FOCAD: variants seen among roughly 807,000 people sequenced by gnomAD.
The protein encoded by FOCAD is focadhesin, also known as KIAA1797.
In FOCAD, 198 loss-of-function variants were observed where a neutral mutation model predicts 225.6. The observed-to-expected ratio is 0.88, with a 90% CI of 0.78 to 0.99. The LOEUF is 0.99. FOCAD is among the 50% of genes least tolerant of loss of function. The pLI, the probability that FOCAD is intolerant of heterozygous loss-of-function variation, is 0.00. For synonymous variants in FOCAD, 897 were observed against 755.0 expected, an observed-to-expected ratio of 1.19 and a Z score of -3.08; for missense variants, 2,713 against 2,123.6, an observed-to-expected ratio of 1.28 and a Z score of -5.46.
intron 6 of FOCAD, among the ~76,000 whole-genome samples, chr9:20,759,864 C>A (rs1563955503): frequency 6.6e-6 from 1 of 152,208 alleles, no homozygotes; most frequent in Non-Finnish European, 1.5e-5. Flanking sequence ...CCCTTGGACA[C>A]TGGCTAATGA....
At chr9:20,861,049 T>C (rs1828730407) in intron 15 of FOCAD, among the ~76,000 whole-genome samples, 2 of 152,316 alleles carry the variant, frequency 1.3e-5, no homozygotes, top group Admixed American at 6.5e-5. Context: ...GTTCATTCTT[T>C]CTTCAAATCT....
intron 1 of FOCAD, among the ~76,000 whole-genome samples, chr9:20,710,229 A>ATT (rs749860355): frequency 0.21 from 21,635 of 101,944 alleles, 3,019 homozygotes; most frequent in South Asian, 0.3. Context: ...AGTAGCTGAG[A>ATT]TTTTTTTTTT....
intron 1 of FOCAD, among the ~76,000 whole-genome samples, chr9:20,714,724 T>A (rs1300198521): frequency 6.6e-6 from 1 of 151,612 alleles, no homozygotes; most frequent in Non-Finnish European, 1.5e-5. Flanking sequence ...CTTTCACTTT[T>A]CTTTTCTTGT....
chr9:20,949,954 G>A (rs563024258), intron 33 of FOCAD, among the ~76,000 whole-genome samples: 1 of 151,996 alleles, frequency 6.6e-6, no homozygotes. Flanking sequence ...AGGAATGTCA[G>A]GCCCTAAAGA....
Position 20,949,652 on chromosome 9 carries a change from G to A in FOCAD, c.3925G>A (p.Glu1309Lys), listed in dbSNP as rs747690917. The A allele has an allele frequency of 1.9e-6, 3 of 1,612,954 alleles. No individual in the cohort carries two copies. Among genetic ancestry groups the A allele is most frequent in the Non-Finnish European group, 1.7e-6 (2 of 1,179,248 alleles). Residue 1309 changes from glutamate to lysine, a missense_variant, in exon 33 of 44, where the codon GAA becomes AAA. By Grantham distance (56) the Glu-to-Lys change is moderately conservative (BLOSUM62 1). Coordinates refer to ENST00000338382, the MANE Select transcript of FOCAD (RefSeq NM_001375567.1). ...CTCTCATTTTCAAGGCAGACTTAAT[G>A]AAGTCATTAGAACCTTAACTCAGGT... ...QTSHFQGRLNEVIRTLTQVIS... is the reference protein window; with the variant it reads ...QTSHFQGRLNKVIRTLTQVIS...
chr9:20,877,951 T>A (rs1243709891), intron 19 of FOCAD, among the ~76,000 whole-genome samples: 1 of 152,098 alleles, frequency 6.6e-6, no homozygotes, highest in African/African-American at 2.4e-5. Context: ...TTACCACTCT[T>A]TATGCAGTCA....
chr9:20,922,907 A>C (rs1247993689), intron 24 of FOCAD, among the ~76,000 whole-genome samples: 2 of 152,130 alleles, frequency 1.3e-5, no homozygotes. Flanking sequence ...GTACATTTTC[A>C]AGTGGTAAGT....
chr9:20,757,175 C>T (rs180750224), intron 5 of FOCAD, among the ~76,000 whole-genome samples: 339 of 152,276 alleles, frequency 2.2e-3, no homozygotes, highest in African/African-American at 7.9e-3. Flanking sequence ...GTGATCCACC[C>T]ATCTTGGCCT....
At chr9:20,677,700 G>A (rs1822276510) in intron 2 of FOCAD, among the ~76,000 whole-genome samples, 1 of 152,186 alleles carries the variant, frequency 6.6e-6, no homozygotes, top group Admixed American at 6.5e-5. Context: ...TGTTAAGGAT[G>A]TGGAGAAAAG....
At chr9:20,890,161 G>A (rs1490318427) in intron 21 of FOCAD, among the ~76,000 whole-genome samples, 1 of 151,374 alleles carries the variant, frequency 6.6e-6, no homozygotes, top group Non-Finnish European at 1.5e-5. Context: ...TGATCTGTAT[G>A]CCTGTCAATT....
At chr9:20,941,926 C>A (rs753621384) in intron 28 of FOCAD, among the ~76,000 whole-genome samples, 1 of 152,192 alleles carries the variant, frequency 6.6e-6, no homozygotes, top group Admixed American at 6.5e-5. Context: ...AATTGCTGAA[C>A]TAAGCACCTG....
chr9:20,718,796 C>G (rs952127083), intron 3 of FOCAD, among the ~76,000 whole-genome samples: 2 of 152,148 alleles, frequency 1.3e-5, no homozygotes, highest in Admixed American at 6.5e-5. Context: ...ACTGTTTCCT[C>G]TTCTACTAAA....
chr9:20,795,319 C>G (rs1240110823), intron 11 of FOCAD, among the ~76,000 whole-genome samples: 1 of 152,076 alleles, frequency 6.6e-6, no homozygotes, highest in Non-Finnish European at 1.5e-5. Flanking sequence ...ATTTTAGGAG[C>G]TAGTTCAGGT....
At chr9:20,962,091 C>T (rs902853051) in intron 35 of FOCAD, among the ~76,000 whole-genome samples, 2 of 152,228 alleles carry the variant, frequency 1.3e-5, no homozygotes, top group Admixed American at 1.3e-4. Flanking sequence ...AAATCGTACT[C>T]ATCCTTTTCA....
chr9:20,687,669 G>A (rs1477173651), intron 1 of FOCAD, among the ~76,000 whole-genome samples: 1 of 152,114 alleles, frequency 6.6e-6, no homozygotes, highest in Non-Finnish European at 1.5e-5. Context: ...GATTTTTAAA[G>A]ACTCATAGTT....
At chr9:20,783,726 T>A (rs572066612) in intron 10 of FOCAD, among the ~76,000 whole-genome samples, 27 of 151,522 alleles carry the variant, frequency 1.8e-4, no homozygotes, top group Middle Eastern at 3.4e-3. Context: ...TTAAAAAAAG[T>A]AAAAAAAATT....
At chr9:20,775,613 T>C (rs1465577441) in intron 8 of FOCAD, among the ~76,000 whole-genome samples, 2 of 152,194 alleles carry the variant, frequency 1.3e-5, no homozygotes, top group Non-Finnish European at 1.5e-5. Context: ...CATGCCTTGT[T>C]TTCTCTTTAA....
intron 22 of FOCAD, among the ~76,000 whole-genome samples, chr9:20,909,994 A>G (rs1165717446): frequency 1.3e-5 from 2 of 152,110 alleles, no homozygotes; most frequent in African/African-American, 4.8e-5. Flanking sequence ...TAAAAGGTAG[A>G]TTCTCCATTA....
intron 11 of FOCAD, among the ~76,000 whole-genome samples, chr9:20,796,395 C>T (rs956911131): frequency 6.6e-6 from 1 of 152,210 alleles, no homozygotes; most frequent in Non-Finnish European, 1.5e-5. Context: ...AGCACACTGA[C>T]TTCCACAATG....
Sources: gnomAD v4.1 joint callset for allele counts (sites outside exome capture counted in the v4.1 genomes callset) on GRCh38, gnomAD v4.1.1 for gene constraint, MANE v1.5 for transcripts, NCBI Gene and HGNC (gene_info 2026-07-23, HGNC 2026-07-21) for gene names.